ADAM32: variants seen among roughly 807,000 people sequenced by gnomAD.
ADAM32 encodes disintegrin and metalloproteinase domain-containing protein 32.
ADAM32 carries 89 observed loss-of-function variants against 114.9 expected under a neutral mutation model. The observed-to-expected ratio is 0.77, with a 90% CI of 0.65 to 0.92. ADAM32 has a LOEUF of 0.92. Ranked by LOEUF, ADAM32 falls within the 40% of genes least tolerant of loss-of-function variation. ADAM32 has a pLI of 0.00. For missense variants in ADAM32, 870 were observed against 932.8 expected, an observed-to-expected ratio of 0.93 and a Z score of 0.88; for synonymous variants, 285 against 307.5, an observed-to-expected ratio of 0.93 and a Z score of 0.77.
At chr8:39,182,179 G>C (rs1805943860) in intron 10 of ADAM32, among the ~76,000 whole-genome samples, 1 of 152,262 alleles carries the variant, frequency 6.6e-6, no homozygotes, top group South Asian at 2.1e-4. Context: ...TTTTTACAAA[G>C]GCGACACTGT....
intron 1 of ADAM32, among the ~76,000 whole-genome samples, chr8:39,110,920 T>TA (rs1188400907): frequency 6.6e-6 from 1 of 152,214 alleles, no homozygotes; most frequent in Non-Finnish European, 1.5e-5. Flanking sequence ...ACTGATCTGC[T>TA]TTGGATTTAT....
At chr8:39,257,916 C>T (rs571514953) in intron 19 of ADAM32, among the ~76,000 whole-genome samples, 78 of 152,084 alleles carry the variant, frequency 5.1e-4, no homozygotes, top group African/African-American at 1.3e-3. Context: ...TAAAATAAGC[C>T]ATTGTATTTG....
chr8:39,121,020 A>G (rs1840566638), intron 2 of ADAM32, among the ~76,000 whole-genome samples: 1 of 152,126 alleles, frequency 6.6e-6, no homozygotes, highest in Non-Finnish European at 1.5e-5. Flanking sequence ...AAGAGAAGAG[A>G]GGTAAATGGA....
intron 19 of ADAM32, among the ~76,000 whole-genome samples, chr8:39,263,254 C>T (rs952038856): frequency 9.2e-5 from 14 of 152,224 alleles, no homozygotes; most frequent in African/African-American, 3.1e-4. Flanking sequence ...TTTTGTAAGG[C>T]TTTTAAGGAT....
At chr8:39,117,953 T>G (rs1267831377) in intron 1 of ADAM32, 133 bp from the exon 2 acceptor site, 4 of 507,110 alleles carry the variant, frequency 7.9e-6, no homozygotes, top group Non-Finnish European at 1.0e-5. Flanking sequence ...TTAAGTGTTT[T>G]CAAGCTTTTT....
intron 11 of ADAM32, 88 bp from the exon 12 acceptor site, chr8:39,211,056 A>C (rs1244962167): frequency 8.7e-7 from 1 of 1,147,796 alleles, no homozygotes; most frequent in African/African-American, 1.6e-5. Context: ...CAGCCAATTG[A>C]ATTTAACATT....
At chr8:39,234,976 C>CT (rs1810023364) in intron 16 of ADAM32, among the ~76,000 whole-genome samples, 1 of 152,118 alleles carries the variant, frequency 6.6e-6, no homozygotes, top group Non-Finnish European at 1.5e-5. Flanking sequence ...TATGTGTATA[C>CT]TGTTACTTCT....
chr8:39,195,715 A>G (rs559012940), intron 11 of ADAM32, among the ~76,000 whole-genome samples: 49 of 152,294 alleles, frequency 3.2e-4, no homozygotes, highest in Admixed American at 2.7e-3. Flanking sequence ...AGCTGTAAAT[A>G]GATGGGTTTA....
intron 1 of ADAM32, among the ~76,000 whole-genome samples, chr8:39,112,961 TTG>T (rs756398401): frequency 5.3e-5 from 8 of 152,236 alleles, no homozygotes; most frequent in Non-Finnish European, 1.5e-5. Context: ...CAACATTTCT[TTG>T]TCATTCCTCC....
chr8:39,205,558 C>T (rs577994705), intron 11 of ADAM32, among the ~76,000 whole-genome samples: 12 of 152,202 alleles, frequency 7.9e-5, no homozygotes, highest in African/African-American at 2.9e-4. Flanking sequence ...TTCCGTGACC[C>T]CTTGCACTTC....
In ADAM32 at chr8:39,221,535, T is replaced by C; in HGVS notation, c.1234-75T>C. 5 of 1,174,538 alleles carry C rather than the reference T, an allele frequency of 4.3e-6. No individual in the cohort carries two copies. The Admixed American group carries it at 8.0e-5, about 19-fold the overall frequency. The allele number at this position is 1,174,538 out of a possible 1,614,324, so 72.8% of individuals were successfully genotyped here. Reference sequence around the variant, plus strand: ...TTTCCAAATTCAAACAGTAAGCCCATCAAAATATAACTCCTAGTAAAGATT... The same window carrying C: ...TTTCCAAATTCAAACAGTAAGCCCACCAAAATATAACTCCTAGTAAAGATT... On this transcript the variant is annotated intron_variant, in intron 12 of 24. Transcript: ENST00000379907.
intron 24 of ADAM32, 150 bp downstream of exon 24, chr8:39,283,774 T>A: frequency 8.8e-6 from 4 of 452,458 alleles, no homozygotes; most frequent in African/African-American, 2.2e-5. Context: ...TTTTATTCTT[T>A]TTTTTTTTTT....
chr8:39,197,377 T>G (rs1467247085), intron 11 of ADAM32, among the ~76,000 whole-genome samples: 4 of 151,948 alleles, frequency 2.6e-5, no homozygotes, highest in African/African-American at 4.8e-5. Flanking sequence ...TTGGGTTTGG[T>G]TTTTTCTTGC....
At chr8:39,204,649 A>G (rs1807694760) in intron 11 of ADAM32, among the ~76,000 whole-genome samples, 1 of 152,312 alleles carries the variant, frequency 6.6e-6, no homozygotes, top group Admixed American at 6.5e-5. Flanking sequence ...TTCTCCATAC[A>G]GCTTTGTTCC....
At chr8:39,269,996 T>A (rs1422040878) in intron 19 of ADAM32, among the ~76,000 whole-genome samples, 1 of 151,928 alleles carries the variant, frequency 6.6e-6, no homozygotes, top group East Asian at 1.9e-4. Context: ...GGCAAGAACC[T>A]CTTATAAAAC....
intron 3 of ADAM32, among the ~76,000 whole-genome samples, chr8:39,146,269 C>T (rs1185783637): frequency 3.3e-5 from 5 of 152,144 alleles, no homozygotes. Context: ...CGTTTCAGTA[C>T]ATATGCTCAG....
rs187624660 is a variant in ADAM32, at chr8:39,243,559, G to A, written c.1819-2524G>A. 8.0e-4 allele frequency among the ~76,000 whole-genome samples: 121 copies of A among 152,142 alleles called. 1 individual carries two copies. Among genetic ancestry groups the A allele is most frequent in the Non-Finnish European group, 1.4e-3 (97 of 67,982 alleles). Reference sequence around the variant, plus strand: ...GATCATTTCAATAGACACAGAAAAAGCATTTGACAAAATCCAACATCGCTT... The same window carrying A: ...GATCATTTCAATAGACACAGAAAAAACATTTGACAAAATCCAACATCGCTT... On this transcript the variant is annotated intron_variant, in intron 16 of 24. Coordinates refer to ENST00000379907, the MANE Select transcript of ADAM32 (RefSeq NM_145004.7).
chr8:39,242,257 T>C (rs192568170), intron 16 of ADAM32, among the ~76,000 whole-genome samples: 2 of 152,326 alleles, frequency 1.3e-5, no homozygotes, highest in East Asian at 3.9e-4. Flanking sequence ...TTCCCACATG[T>C]TTCTATTTTC....
intron 14 of ADAM32, among the ~76,000 whole-genome samples, chr8:39,228,024 A>G (rs1014067374): frequency 6.6e-6 from 1 of 152,208 alleles, no homozygotes; most frequent in Non-Finnish European, 1.5e-5. Flanking sequence ...GACACCCACC[A>G]GTACCAGCCT....
Sources: gnomAD v4.1 joint callset for allele counts (sites outside exome capture counted in the v4.1 genomes callset) on GRCh38, gnomAD v4.1.1 for gene constraint, MANE v1.5 for transcripts, NCBI Gene and HGNC (gene_info 2026-07-23, HGNC 2026-07-21) for gene names.